The following RPGRIP1L variants were observed in gnomAD, a reference collection of about 807,000 sequenced individuals.
RPGRIP1L encodes RPGRIP1 like, also known as protein fantom.
Under a neutral mutation model 160.4 loss-of-function variants are expected in RPGRIP1L, and 131 were observed. The observed-to-expected ratio is 0.82, with a 90% CI of 0.71 to 0.94. RPGRIP1L has a LOEUF of 0.94. Among genes scored for constraint, RPGRIP1L ranks in the 40% least tolerant of loss-of-function variants. RPGRIP1L has a pLI of 0.00. For missense variants in RPGRIP1L, 1,522 were observed against 1,535.8 expected (o/e 0.99, Z 0.15); for synonymous variants, 510 against 515.8 (o/e 0.99, Z 0.15).
At chr16:53,658,319 C>A in intron 12 of RPGRIP1L, 95 bp downstream of exon 12, 1 of 913,874 alleles carries the variant, frequency 1.1e-6, no homozygotes, top group South Asian at 1.3e-5. Context: ...AAGAATAATT[C>A]ATTCTCCAAA....
rs1432563419 is a variant in RPGRIP1L, at chr16:53,600,911, A to C, written c.*1165T>G. On this transcript the variant is annotated 3_prime_UTR_variant, in exon 27 of 27. Coordinates refer to ENST00000647211, the MANE Select transcript of RPGRIP1L (RefSeq NM_015272.5). The stretch of plus-strand genomic sequence containing the variant: ...TTTAATAAATTACTTATCTCCCTGA[A>C]TACTTTACATATGCTTAAGAAGGAA... The C allele has an allele frequency of 6.6e-6, 1 of 152,668 alleles. No homozygotes were observed. Among genetic ancestry groups the C allele is most frequent in the Non-Finnish European group, 1.5e-5 (1 of 68,036 alleles). 9.5% of individuals were successfully genotyped at this position (152,668 alleles called of 1,614,324 possible). A position where few individuals can be genotyped will look rare whatever the true frequency, so the allele number is the denominator to read the frequency against.
At chr16:53,639,357 C>T (rs1318931142) in intron 19 of RPGRIP1L, among the ~76,000 whole-genome samples, 2 of 151,770 alleles carry the variant, frequency 1.3e-5, no homozygotes, top group Non-Finnish European at 2.9e-5. Flanking sequence ...ATAATAACTG[C>T]ATTATAAATA....
chr16:53,625,304 T>G (rs1341849310), intron 22 of RPGRIP1L, among the ~76,000 whole-genome samples: 2 of 147,460 alleles, frequency 1.4e-5, no homozygotes, highest in Non-Finnish European at 3.0e-5. Flanking sequence ...CCGCCCATCG[T>G]CTGGGATGTG....
chr16:53,623,752 C>A lies in RPGRIP1L; in HGVS notation c.3295-1396G>T, dbSNP rs916859486. On this transcript the variant is annotated intron_variant, in intron 22 of 26. Transcript: ENST00000647211. ...CTACATGGAACTGTTCACATATTTGCCTCTGTCTATAGACTCTGGGCTTCA... is the reference window on the plus strand; with the variant it reads ...CTACATGGAACTGTTCACATATTTGACTCTGTCTATAGACTCTGGGCTTCA... 2.0e-5 allele frequency among the ~76,000 whole-genome samples: 3 copies of A among 152,168 alleles called. No homozygotes were observed. In the East Asian group the frequency reaches 5.8e-4, roughly 29 times the overall value.
At position 53,599,480 on chromosome 16, in the gene RPGRIP1L, C is replaced by T. The variant is rs968930211; in HGVS notation, c.*2596G>A. 2 of 152,194 alleles carry T rather than the reference C, an allele frequency of 1.3e-5. No individual in the cohort carries two copies. The highest frequency in any genetic ancestry group is 2.9e-5 in the Non-Finnish European group (2 of 68,040). 9.4% of individuals were successfully genotyped at this position (152,194 alleles called of 1,614,324 possible). A position where few individuals can be genotyped will look rare whatever the true frequency, so the allele number is the denominator to read the frequency against. On this transcript the variant is annotated 3_prime_UTR_variant, in exon 27 of 27. Transcript: ENST00000647211. Reference sequence around the variant, plus strand: ...AGTAGGCAAAAATACATGTAAAATACACTCTCCCACATACCACATCACATC... The same window carrying T: ...AGTAGGCAAAAATACATGTAAAATATACTCTCCCACATACCACATCACATC...
chr16:53,602,568 G>T (rs563396699), intron 26 of RPGRIP1L, among the ~76,000 whole-genome samples: 54 of 152,178 alleles, frequency 3.5e-4, no homozygotes, highest in African/African-American at 1.2e-3. Flanking sequence ...CTGAGGTTGA[G>T]AGTTTGAAAC....
intron 4 of RPGRIP1L, among the ~76,000 whole-genome samples, chr16:53,688,477 C>T (rs1209647900): frequency 1.3e-5 from 2 of 151,942 alleles, no homozygotes; most frequent in Non-Finnish European, 1.5e-5. Context: ...AATGGATCAT[C>T]GCAAGAATTC....
At chr16:53,658,680 T>G in intron 11 of RPGRIP1L, 92 bp downstream of exon 11, 2 of 917,874 alleles carry the variant, frequency 2.2e-6, no homozygotes, top group South Asian at 1.4e-5. Context: ...TATATCTGTA[T>G]GCTTTCGCTT....
intron 22 of RPGRIP1L, among the ~76,000 whole-genome samples, chr16:53,632,716 G>C (rs1341083793): frequency 6.6e-6 from 1 of 152,070 alleles, no homozygotes; most frequent in African/African-American, 2.4e-5. Context: ...CTGAATTCCA[G>C]AACAAGCCAT....
chr16:53,671,367 T>C (rs953096756), intron 9 of RPGRIP1L, 143 bp downstream of exon 9: 16 of 609,544 alleles, frequency 2.6e-5, no homozygotes, highest in Non-Finnish European at 4.3e-5. Flanking sequence ...AAAGCTTGTA[T>C]TTCCTTTATA....
In RPGRIP1L at chr16:53,599,207, T is replaced by G. The variant is rs927414791; in HGVS notation, c.*2869A>C. 2 of 152,184 alleles carry G rather than the reference T, an allele frequency of 1.3e-5. No homozygotes were observed. The highest frequency in any genetic ancestry group is 2.9e-5 in the Non-Finnish European group (2 of 68,036). 9.4% of individuals were successfully genotyped at this position (152,184 alleles called of 1,614,324 possible). ...CATAGAAATTATTTGTGTTTTGTGG[T>G]AACGAATGAATGGCAGGAACAGCAG... is the stretch of plus-strand genomic sequence containing the variant. On this transcript the variant is annotated 3_prime_UTR_variant, in exon 27 of 27. Transcript: ENST00000647211.
intron 24 of RPGRIP1L, among the ~76,000 whole-genome samples, chr16:53,612,489 A>ACTTTTT (rs756195329): frequency 7.6e-6 from 1 of 131,574 alleles, no homozygotes. Flanking sequence ...TCCAAATGGG[A>ACTTTTT]TTTTTTTTTT....
chr16:53,693,420 T>C (rs1029524863), intron 3 of RPGRIP1L: 10 of 152,200 alleles, frequency 6.6e-5, no homozygotes, highest in Non-Finnish European at 1.3e-4. Context: ...TGGGATGTCA[T>C]AGAACAACCT....
intron 13 of RPGRIP1L, among the ~76,000 whole-genome samples, chr16:53,656,827 G>T (rs1967297649): frequency 6.6e-6 from 1 of 152,170 alleles, no homozygotes; most frequent in African/African-American, 2.4e-5. Context: ...TTTGTTAAAA[G>T]CTAAGACAAT....
chr16:53,668,876 C>T (rs1187786989), intron 9 of RPGRIP1L, among the ~76,000 whole-genome samples: 3 of 152,140 alleles, frequency 2.0e-5, no homozygotes, highest in Non-Finnish European at 4.4e-5. Context: ...AAAAAATGCT[C>T]ATACTAAAAA....
chr16:53,605,698 C>A, intron 25 of RPGRIP1L, 84 bp from the exon 26 acceptor site: 1 of 1,386,400 alleles, frequency 7.2e-7, no homozygotes. Context: ...GGTGTTATCA[C>A]TAGGTATAAA....
rs1966182808 is a variant in RPGRIP1L at position 53,641,064 on chromosome 16, G to T, written c.2927C>A (p.Ser976Tyr). ...CTGATGTGGCATGATATCCACGAAA[G>T]ATACCTTCTTATCTACAGGTGTTAA... ...QRLTPVDKKV[S>Y]FVDIMPHQSD... Residue 976 changes from serine to tyrosine, a missense_variant, in exon 19 of 27, where the codon TCT becomes TAT. Transcript: ENST00000647211. The T allele has an allele frequency of 1.9e-6, 3 of 1,613,666 alleles. No individual in the cohort carries two copies. Among genetic ancestry groups the T allele is most frequent in the Non-Finnish European group, 2.5e-6 (3 of 1,179,794 alleles).
intron 9 of RPGRIP1L, among the ~76,000 whole-genome samples, chr16:53,668,011 T>C (rs903946529): frequency 4.6e-5 from 7 of 151,384 alleles, no homozygotes; most frequent in African/African-American, 1.7e-4. Context: ...TGAGCTATGA[T>C]TGCGCCACTG....
rs1970015574 is a variant in RPGRIP1L, at chr16:53,686,413, A to G, written c.776+20T>C. On this transcript the variant is annotated intron_variant, in intron 6 of 26. Coordinates refer to ENST00000647211, the MANE Select transcript of RPGRIP1L (RefSeq NM_015272.5). Reference sequence around the variant, plus strand: ...AACTAATTTTGACCTTATCAAAGTGATATTTCTGTTTTAACATACCTTTGA... The same window carrying G: ...AACTAATTTTGACCTTATCAAAGTGGTATTTCTGTTTTAACATACCTTTGA... 6.2e-7 allele frequency: 1 copy of G among 1,610,762 alleles called. No homozygotes were observed. Among genetic ancestry groups the G allele is most frequent in the East Asian group, 2.2e-5 (1 of 44,804 alleles).
Sources: allele counts gnomAD v4.1 joint callset (sites outside exome capture counted in the v4.1 genomes callset), GRCh38; gene constraint gnomAD v4.1.1; transcripts MANE v1.5; gene names NCBI Gene and HGNC (gene_info 2026-07-23, HGNC 2026-07-21).